The following EPHA6 variants were observed in gnomAD, a reference collection of about 807,000 sequenced individuals.
EPHA6 encodes ephrin type-A receptor 6.
EPHA6 carries 50 observed loss-of-function variants against 112.0 expected under a neutral mutation model. The ratio of observed to expected loss-of-function variants is 0.45; its 90% confidence interval spans 0.36 to 0.56. The LOEUF (loss-of-function observed/expected upper bound fraction) is 0.56. EPHA6 is among the 20% of genes least tolerant of loss of function. The pLI is 0.00. For synonymous variants in EPHA6, 529 were observed against 490.7 expected (o/e 1.08, Z -1.03); for missense variants, 1,280 against 1,417.4 (o/e 0.90, Z 1.56).
intron 12 of EPHA6, among the ~76,000 whole-genome samples, chr3:97,603,136 A>G (rs2093655496): frequency 6.6e-6 from 1 of 152,038 alleles, no homozygotes; most frequent in Non-Finnish European, 1.5e-5. Context: ...TTAGTATCTT[A>G]TAGTAAAAAC....
chr3:97,363,209 T>A (rs1417044518), intron 5 of EPHA6, among the ~76,000 whole-genome samples: 1 of 85,786 alleles, frequency 1.2e-5, no homozygotes. Flanking sequence ...TATATATATA[T>A]ATATATATAT....
intron 2 of EPHA6, among the ~76,000 whole-genome samples, chr3:96,922,826 C>G (rs539125441): frequency 1.3e-5 from 2 of 152,200 alleles, no homozygotes; most frequent in East Asian, 3.9e-4. Context: ...CCCACAGGCC[C>G]CAGTATGTGT....
intron 2 of EPHA6, among the ~76,000 whole-genome samples, chr3:96,903,713 C>T (rs2038752263): frequency 6.6e-6 from 1 of 152,034 alleles, no homozygotes; most frequent in Non-Finnish European, 1.5e-5. Context: ...ACTCATCTGA[C>T]AGAGGGCTAA....
intron 1 of EPHA6, among the ~76,000 whole-genome samples, chr3:96,823,077 G>A (rs75673544): frequency 0.015 from 2,320 of 151,700 alleles, 36 homozygotes; most frequent in Non-Finnish European, 0.021. Context: ...CCAAATTTGA[G>A]TGGAATTAGT....
rs1249791086 is a variant in EPHA6, at chr3:97,633,804, A to T, written c.2575-4069A>T. ...AGGAGGCTATGTTGAGGAAGACCAGAAAAAGGAATATAGATTTTGTTTGAA... is the reference window on the plus strand; with the variant it reads ...AGGAGGCTATGTTGAGGAAGACCAGTAAAAGGAATATAGATTTTGTTTGAA... On this transcript the variant is annotated intron_variant, in intron 13 of 17. Transcript: ENST00000389672. 2.0e-5 allele frequency among the ~76,000 whole-genome samples: 3 copies of T among 152,098 alleles called. No homozygotes were observed. The East Asian group carries it at 5.8e-4, about 29-fold the overall frequency.
At chr3:97,140,051 A>G (rs1297740581) in intron 3 of EPHA6, among the ~76,000 whole-genome samples, 1 of 152,152 alleles carries the variant, frequency 6.6e-6, no homozygotes, top group Admixed American at 6.5e-5. Flanking sequence ...GGAACTTCAA[A>G]TTACTTTAAT....
At chr3:96,873,639 A>G (rs188112545) in intron 2 of EPHA6, among the ~76,000 whole-genome samples, 119 of 152,242 alleles carry the variant, frequency 7.8e-4, no homozygotes, top group Middle Eastern at 6.8e-3. Context: ...CTAAACAATA[A>G]ATCAAGCTTT....
At chr3:97,100,448 T>G (rs1389664001) in intron 3 of EPHA6, among the ~76,000 whole-genome samples, 2 of 151,848 alleles carry the variant, frequency 1.3e-5, no homozygotes, top group African/African-American at 4.8e-5. Flanking sequence ...GGGACCCTAT[T>G]ATATACATTA....
chr3:97,346,431 A>G (rs2083535312), intron 5 of EPHA6, among the ~76,000 whole-genome samples: 1 of 152,194 alleles, frequency 6.6e-6, no homozygotes. Flanking sequence ...AAGTGTCTTC[A>G]AAGTAGACGT....
chr3:97,358,627 A>G (rs2084205739), intron 5 of EPHA6, among the ~76,000 whole-genome samples: 1 of 152,060 alleles, frequency 6.6e-6, no homozygotes, highest in Admixed American at 6.6e-5. Context: ...TTATACTTGC[A>G]CATGTATTTA....
intron 11 of EPHA6, among the ~76,000 whole-genome samples, chr3:97,573,102 T>A (rs2093350633): frequency 6.6e-6 from 1 of 152,230 alleles, no homozygotes; most frequent in African/African-American, 2.4e-5. Context: ...TCAAGTTTCT[T>A]AGTAAAGAAT....
At chr3:97,645,145 C>T (rs1301271314) in intron 14 of EPHA6, among the ~76,000 whole-genome samples, 1 of 151,840 alleles carries the variant, frequency 6.6e-6, no homozygotes, top group African/African-American at 2.4e-5. Flanking sequence ...TACCATTTGA[C>T]CCAGCCATCC....
At chr3:97,439,465 A>G in intron 6 of EPHA6, 1 of 183,264 alleles carries the variant, frequency 5.5e-6, no homozygotes, top group Non-Finnish European at 1.1e-5. Flanking sequence ...GAACTTCTTA[A>G]CCCTTTCTAC....
At chr3:96,986,063 A>G (rs1280677982) in intron 2 of EPHA6, among the ~76,000 whole-genome samples, 1 of 152,202 alleles carries the variant, frequency 6.6e-6, no homozygotes, top group African/African-American at 2.4e-5. Context: ...TGTTTTCCCA[A>G]AAATGCCATA....
chr3:97,509,402 G>A (rs748426916), intron 10 of EPHA6, among the ~76,000 whole-genome samples: 6 of 151,988 alleles, frequency 3.9e-5, no homozygotes, highest in East Asian at 1.9e-4. Flanking sequence ...ATCTCTCAGC[G>A]TTTGCTTGTC....
chr3:96,864,389 A>C (rs950816337), intron 1 of EPHA6, among the ~76,000 whole-genome samples: 6 of 152,138 alleles, frequency 3.9e-5, no homozygotes, highest in African/African-American at 1.4e-4. Context: ...CAGTTGAAAC[A>C]TGCAGTGACA....
chr3:97,226,515 C>A lies in EPHA6; in HGVS notation c.1270+96C>A, dbSNP rs995764547. 14 of 1,122,016 alleles carry A rather than the reference C, an allele frequency of 1.2e-5. No homozygotes were observed. The African/African-American group carries it at 1.9e-4, about 15-fold the overall frequency. 69.5% of individuals were successfully genotyped at this position (1,122,016 alleles called of 1,614,324 possible). A position where few individuals can be genotyped will look rare whatever the true frequency, so the allele number is the denominator to read the frequency against. On this transcript the variant is annotated intron_variant, in intron 4 of 17. Coordinates refer to ENST00000389672, the MANE Select transcript of EPHA6 (RefSeq NM_001080448.3). ...AAATAAGTAAATGTACAAAATCTTG[C>A]ATTATCAATGCCATTTGTCTGTGAT... is the stretch of plus-strand genomic sequence containing the variant.
chr3:96,859,703 G>A (rs1051622017), intron 1 of EPHA6, among the ~76,000 whole-genome samples: 6 of 152,086 alleles, frequency 3.9e-5, no homozygotes, highest in South Asian at 4.1e-4. Flanking sequence ...TTGTTTTGGA[G>A]AGTATCCTAC....
intron 3 of EPHA6, among the ~76,000 whole-genome samples, chr3:97,192,046 T>G (rs1052584237): frequency 6.6e-6 from 1 of 152,188 alleles, no homozygotes; most frequent in Non-Finnish European, 1.5e-5. Context: ...AGATGATATC[T>G]TATTGTATTT....
Sources: allele counts gnomAD v4.1 joint callset (sites outside exome capture counted in the v4.1 genomes callset), GRCh38; gene constraint gnomAD v4.1.1; transcripts MANE v1.5; gene names NCBI Gene and HGNC (gene_info 2026-07-23, HGNC 2026-07-21).